The following STAB2 variants were observed in gnomAD, a reference collection of about 807,000 sequenced individuals.
The protein encoded by STAB2 is stabilin-2.
Under a neutral mutation model 338.1 loss-of-function variants are expected in STAB2, and 288 were observed. The observed-to-expected ratio is 0.85, with a 90% confidence interval of 0.77 to 0.94. STAB2 has a LOEUF of 0.94. STAB2 is among the 40% of genes least tolerant of loss of function. The probability of loss-of-function intolerance (pLI) is 0.00; values close to 1 mark genes in which losing one functional copy is unlikely to be tolerated. For missense variants in STAB2, 3,141 were observed against 3,210.1 expected (o/e 0.98, Z 0.52); for synonymous variants, 1,202 against 1,193.3 (o/e 1.01, Z -0.15).
intron 1 of STAB2, among the ~76,000 whole-genome samples, chr12:103,588,192 A>T (rs1366698997): frequency 1.3e-5 from 2 of 152,200 alleles, no homozygotes; most frequent in Admixed American, 6.5e-5. Flanking sequence ...CTTAACCATG[A>T]TTCTGCACCT....
At chr12:103,731,713 T>C in intron 50 of STAB2, 78 bp downstream of exon 50, 1 of 1,481,262 alleles carries the variant, frequency 6.8e-7, no homozygotes, top group South Asian at 1.2e-5. Context: ...TTGTTGTTTC[T>C]GTTTTGTTTT....
At chr12:103,698,485 C>G (rs1037626519) in intron 33 of STAB2, among the ~76,000 whole-genome samples, 4 of 151,114 alleles carry the variant, frequency 2.6e-5, no homozygotes, top group African/African-American at 7.4e-5. Flanking sequence ...AGCTCTGCCC[C>G]GGGGAGCCTG....
intron 3 of STAB2, among the ~76,000 whole-genome samples, chr12:103,613,420 G>T (rs1241763885): frequency 6.6e-6 from 1 of 152,164 alleles, no homozygotes; most frequent in Non-Finnish European, 1.5e-5. Context: ...CTGCCGCCTT[G>T]CAGTTTGATC....
intron 27 of STAB2, among the ~76,000 whole-genome samples, chr12:103,685,422 C>CTGTGTGTGTGTGTGTGTGTGTGTGTGTG (rs141365936): frequency 6.9e-6 from 1 of 145,814 alleles, no homozygotes; most frequent in African/African-American, 2.5e-5. Context: ...CTTACCCATG[C>CTGTGTGTGTGTGTGTGTGTGTGTGTGTG]TGTGTGTGTG....
intron 33 of STAB2, among the ~76,000 whole-genome samples, chr12:103,698,342 C>T (rs1433939167): frequency 6.6e-6 from 1 of 152,100 alleles, no homozygotes; most frequent in African/African-American, 2.4e-5. Context: ...CACTAAATTC[C>T]ATTTTGGTTT....
chr12:103,740,772 C>G lies in STAB2; in HGVS notation c.5881+16C>G, dbSNP rs369769583. ...GACTGTCAGGGTGAGGGTGCCTCTT[C>G]CCCCCTCGCAACTCTAAAAGTGGTA... is the stretch of plus-strand genomic sequence containing the variant. On this transcript the variant is annotated intron_variant, in intron 55 of 68. Transcript: ENST00000388887. 1.9e-6 allele frequency: 3 copies of G among 1,558,120 alleles called. No homozygotes were observed. The African/African-American group carries it at 4.2e-5, about 22-fold the overall frequency.
chr12:103,638,146 C>T lies in STAB2; in HGVS notation c.840C>T (p.Pro280=), dbSNP rs1593169664. Reference sequence around the variant, plus strand: ...GCCAAGTGTGCTTGCCTGTGGACCCCTGCCAAATTAACTTTGGAAACTGCC... The same window carrying T: ...GCCAAGTGTGCTTGCCTGTGGACCCTTGCCAAATTAACTTTGGAAACTGCC... The part of the protein sequence containing the change: ...GDGQVCLPVD[P]CQINFGNCPT... The change falls in exon 8 of 69, where the codon CCC becomes CCT. Residue 280 remains proline, a synonymous_variant. Transcript: ENST00000388887. The T allele has an allele frequency of 6.2e-7, 1 of 1,614,192 alleles. No homozygotes were observed. The highest frequency in any genetic ancestry group is 1.3e-5 in the African/African-American group (1 of 75,032).
chr12:103,687,613 A>G (rs1365892029), intron 27 of STAB2, among the ~76,000 whole-genome samples: 1 of 152,182 alleles, frequency 6.6e-6, no homozygotes, highest in Non-Finnish European at 1.5e-5. Context: ...GCCTCTAATC[A>G]CTTTAAAAAC....
chr12:103,661,488 A>G (rs2138772056), intron 17 of STAB2, among the ~76,000 whole-genome samples: 1 of 152,378 alleles, frequency 6.6e-6, no homozygotes, highest in Middle Eastern at 3.4e-3. Flanking sequence ...ACAAACAGAC[A>G]AAAGTCCCTG....
At chr12:103,659,762 C>G (rs1311734262) in intron 15 of STAB2, among the ~76,000 whole-genome samples, 1 of 152,172 alleles carries the variant, frequency 6.6e-6, no homozygotes, top group African/African-American at 2.4e-5. Context: ...CTTGAGAAAC[C>G]TTGGAAAGGG....
intron 52 of STAB2, among the ~76,000 whole-genome samples, chr12:103,736,654 A>T (rs1238088382): frequency 2.6e-5 from 4 of 151,920 alleles, no homozygotes; most frequent in Non-Finnish European, 5.9e-5. Flanking sequence ...CTGTATAACA[A>T]CCCTATATTA....
chr12:103,658,272 G>A (rs567121113), intron 15 of STAB2, among the ~76,000 whole-genome samples: 1 of 152,198 alleles, frequency 6.6e-6, no homozygotes, highest in Non-Finnish European at 1.5e-5. Context: ...ACAGCAGGAA[G>A]GAAGTGAGTG....
chr12:103,588,391 C>G (rs945389402), intron 1 of STAB2, among the ~76,000 whole-genome samples: 17 of 152,130 alleles, frequency 1.1e-4, no homozygotes, highest in Admixed American at 1.1e-3. Context: ...CAGTCATGAT[C>G]GTCCACAGCT....
intron 17 of STAB2, among the ~76,000 whole-genome samples, chr12:103,661,783 A>G (rs1476228862): frequency 6.6e-6 from 1 of 152,154 alleles, no homozygotes; most frequent in Non-Finnish European, 1.5e-5. Context: ...AGCACAGAGC[A>G]GAAAGGAGCA....
At chr12:103,639,338 T>G (rs1367108441) in intron 8 of STAB2, among the ~76,000 whole-genome samples, 1 of 152,132 alleles carries the variant, frequency 6.6e-6, no homozygotes, top group Non-Finnish European at 1.5e-5. Flanking sequence ...AGGGGCTTTC[T>G]TGTGCATTGT....
intron 9 of STAB2, among the ~76,000 whole-genome samples, chr12:103,644,305 T>G (rs1873167609): frequency 6.7e-6 from 1 of 149,708 alleles, no homozygotes; most frequent in African/African-American, 2.4e-5. Context: ...GTGCAAGATG[T>G]GCTTTGTTAA....
chr12:103,683,298 T>C lies in STAB2; in HGVS notation c.2899T>C (p.Leu967=). 6.2e-7 allele frequency: 1 copy of C among 1,604,740 alleles called. No individual in the cohort carries two copies. Among genetic ancestry groups the C allele is most frequent in the Non-Finnish European group, 8.5e-7 (1 of 1,175,614 alleles). The change falls in exon 26 of 69, where the codon TTG becomes CTG. Residue 967 remains leucine (L), a splice_region_variant and synonymous_variant. Coordinates refer to ENST00000388887, the MANE Select transcript of STAB2 (RefSeq NM_017564.10). The part of the protein sequence containing the change: ...CLEQTGKCHP[L]ASCQSTSSGV... ...GGAACAAACCGGGAAATGTCATCCA[T>C]TGGTGAGTTATTTAACCTTGTTTTT...
At chr12:103,625,683 A>G (rs1957370213) in intron 5 of STAB2, among the ~76,000 whole-genome samples, 1 of 152,208 alleles carries the variant, frequency 6.6e-6, no homozygotes, top group South Asian at 2.1e-4. Flanking sequence ...TACAAAGGAC[A>G]TGAACTCATC....
chr12:103,621,978 A>G (rs748230529), intron 4 of STAB2, 64 bp from the exon 5 acceptor site: 177 of 1,518,538 alleles, frequency 1.2e-4, no homozygotes, highest in Non-Finnish European at 1.4e-4. Flanking sequence ...TTGGAAATCC[A>G]AGGCCTTCCT....
Sources: allele counts gnomAD v4.1 joint callset (sites outside exome capture counted in the v4.1 genomes callset), GRCh38; gene constraint gnomAD v4.1.1; transcripts MANE v1.5; gene names NCBI Gene and HGNC (gene_info 2026-07-23, HGNC 2026-07-21).